GALNT1: variants seen among roughly 807,000 people sequenced by gnomAD.
GALNT1 encodes GalNAc transferase 1.
GALNT1 carries 17 observed loss-of-function variants against 65.7 expected under a neutral mutation model. That is an observed-to-expected ratio of 0.26 (90% CI 0.18 to 0.39). GALNT1 has a LOEUF of 0.39. GALNT1 is among the 10% of genes least tolerant of loss of function. GALNT1 has a pLI of 1.00. For missense variants in GALNT1, 460 were observed against 672.8 expected (o/e 0.68, Z 3.50); for synonymous variants, 210 against 219.7 (o/e 0.96, Z 0.39).
intron 1 of GALNT1, among the ~76,000 whole-genome samples, chr18:35,650,938 A>G (rs1172107832): frequency 6.6e-6 from 1 of 152,228 alleles, no homozygotes; most frequent in Non-Finnish European, 1.5e-5. Flanking sequence ...TCACAAGAAT[A>G]TTGATTGGGG....
At chr18:35,580,944 C>T (rs1323997657), upstream of GALNT1, among the ~76,000 whole-genome samples, 1 of 152,174 alleles carries the variant, frequency 6.6e-6, no homozygotes, top group East Asian at 1.9e-4. Context: ...GCAAGGGCCC[C>T]GGCGTTGCTG....
rs140544333 is a variant in GALNT1, at chr18:35,665,270, T to C, written c.314+1468T>C. The stretch of plus-strand genomic sequence containing the variant: ...ATATATTACAACCATAAAATGAGAA[T>C]AGGATATTATTCAAAAGATACACTG... On this transcript the variant is annotated intron_variant, in intron 3 of 11. Transcript: ENST00000269195. Among the ~76,000 whole-genome samples the C allele has an allele frequency of 7.9e-5, 12 of 152,122 alleles. No individual in the cohort carries two copies. The East Asian group carries it at 2.3e-3, about 29-fold the overall frequency.
Position 35,664,832 on chromosome 18 carries a change from A to C in GALNT1, c.314+1030A>C, listed in dbSNP as rs187991845. ...ACTCCTTGCTCTCATTGATGCTGGC[A>C]GCCAAGCTTGCCTCCTCCAGAGAAG... On this transcript the variant is annotated intron_variant, in intron 3 of 11. Transcript: ENST00000269195. Among the ~76,000 whole-genome samples, 880 of 152,368 alleles carry C rather than the reference A, an allele frequency of 5.8e-3. 6 individuals are homozygous for C. Among genetic ancestry groups the C allele is most frequent in the South Asian group, 0.023 (113 of 4,830 alleles).
chr18:35,629,716 A>G (rs1260556804), intron 1 of GALNT1, among the ~76,000 whole-genome samples: 3 of 152,196 alleles, frequency 2.0e-5, no homozygotes, highest in Admixed American at 1.3e-4. Context: ...ACACATAACA[A>G]TATTAACCTT....
At chr18:35,587,711 A>T (rs1254658440) in intron 1 of GALNT1, among the ~76,000 whole-genome samples, 2 of 152,162 alleles carry the variant, frequency 1.3e-5, no homozygotes, top group Admixed American at 1.3e-4. Flanking sequence ...ACAGTATAAC[A>T]CTTTTTGTAC....
chr18:35,676,225 A>C (rs2047708634), intron 3 of GALNT1, among the ~76,000 whole-genome samples: 1 of 152,128 alleles, frequency 6.6e-6, no homozygotes, highest in African/African-American at 2.4e-5. Context: ...TTTCTGGATC[A>C]GTGGGTAGAG....
intron 1 of GALNT1, among the ~76,000 whole-genome samples, chr18:35,604,995 A>G (rs1037568501): frequency 1.3e-5 from 2 of 152,220 alleles, no homozygotes; most frequent in African/African-American, 4.8e-5. Flanking sequence ...TGAATAAGCT[A>G]TAATTTACTT....
intron 1 of GALNT1, among the ~76,000 whole-genome samples, chr18:35,638,135 A>G (rs2047116274): frequency 6.6e-6 from 1 of 152,212 alleles, no homozygotes; most frequent in Non-Finnish European, 1.5e-5. Context: ...CAAATGCAAC[A>G]TTTATTCTGC....
chr18:35,611,271 T>C (rs1002540608), intron 1 of GALNT1, among the ~76,000 whole-genome samples: 13 of 152,136 alleles, frequency 8.5e-5, no homozygotes, highest in African/African-American at 2.9e-4. Flanking sequence ...TCACTTTTTT[T>C]CTCATTTTTT....
intron 1 of GALNT1, among the ~76,000 whole-genome samples, chr18:35,609,720 C>T (rs953654418): frequency 6.6e-6 from 1 of 152,112 alleles, no homozygotes; most frequent in African/African-American, 2.4e-5. Flanking sequence ...AAACAGTGAC[C>T]AGGAGACAGA....
At chr18:35,601,270 A>G (rs2143955798) in intron 1 of GALNT1, among the ~76,000 whole-genome samples, 1 of 152,028 alleles carries the variant, frequency 6.6e-6, no homozygotes, top group African/African-American at 2.4e-5. Context: ...CTGTATTTCT[A>G]TGGTATCATT....
At chr18:35,636,783 G>GTTTTTTTTTTT (rs58909585) in intron 1 of GALNT1, among the ~76,000 whole-genome samples, 4 of 64,220 alleles carry the variant, frequency 6.2e-5, no homozygotes, top group Non-Finnish European at 6.4e-5. Flanking sequence ...ATACTACTTT[G>GTTTTTTTTTTT]TTTTTTTTTT....
rs906031759 is a variant in GALNT1, at chr18:35,620,197, A to G, written c.-103-34363A>G. On this transcript the variant is annotated intron_variant, in intron 1 of 11. Transcript: ENST00000269195. ...TTCTCAGGGTTATCTCCTGGTTGCAAAGAAGGTCCTTGCAGCTCCATCCGT... is the reference window on the plus strand; with the variant it reads ...TTCTCAGGGTTATCTCCTGGTTGCAGAGAAGGTCCTTGCAGCTCCATCCGT... 3.9e-5 allele frequency among the ~76,000 whole-genome samples: 6 copies of G among 152,282 alleles called. No individual in the cohort carries two copies. In the East Asian group the frequency reaches 9.6e-4, roughly 24 times the overall value.
In GALNT1 at chr18:35,645,221, T is replaced by G. The variant is rs12963018; in HGVS notation, c.-103-9339T>G. ...GGTTTTCATAGCTATTTTGAATGTT[T>G]TTTTTTTTTTTTTTTTTTTTTTTCT... On this transcript the variant is annotated intron_variant, in intron 1 of 11. Coordinates refer to ENST00000269195, the MANE Select transcript of GALNT1 (RefSeq NM_020474.4). 4.3e-4 allele frequency among the ~76,000 whole-genome samples: 52 copies of G among 119,868 alleles called. 1 individual carries two copies. Among genetic ancestry groups the G allele is most frequent in the Non-Finnish European group, 6.5e-4 (37 of 56,652 alleles). 78.6% of individuals were successfully genotyped at this position (119,868 alleles called of 152,430 possible).
At chr18:35,623,875 G>A (rs1020654855) in intron 1 of GALNT1, among the ~76,000 whole-genome samples, 7 of 151,992 alleles carry the variant, frequency 4.6e-5, no homozygotes, top group Non-Finnish European at 1.5e-5. Flanking sequence ...TCCACGTCTG[G>A]GTCATCTTCT....
At chr18:35,597,751 T>A (rs1568012872) in intron 1 of GALNT1, among the ~76,000 whole-genome samples, 1 of 152,178 alleles carries the variant, frequency 6.6e-6, no homozygotes, top group Non-Finnish European at 1.5e-5. Flanking sequence ...AGCATATGTG[T>A]ACTTTTAAAA....
In GALNT1 at chr18:35,711,760, A is replaced by C. The variant is rs544984681; in HGVS notation, c.*1990A>C. 6.6e-6 allele frequency: 1 copy of C among 152,352 alleles called. No individual in the cohort carries two copies. Among genetic ancestry groups the C allele is most frequent in the East Asian group, 1.9e-4 (1 of 5,194 alleles). 9.4% of individuals were successfully genotyped at this position (152,352 alleles called of 1,614,324 possible). A position where few individuals can be genotyped will look rare whatever the true frequency, so the allele number is the denominator to read the frequency against. ...TTCATGGGTACTTTTAGAACCTGAT[A>C]GATAATCCCATTGCCTTTATTTTTC... On this transcript the variant is annotated 3_prime_UTR_variant, in exon 12 of 12. Coordinates refer to ENST00000269195, the MANE Select transcript of GALNT1 (RefSeq NM_020474.4).
intron 3 of GALNT1, among the ~76,000 whole-genome samples, chr18:35,671,342 G>A (rs1336581295): frequency 6.6e-6 from 1 of 152,068 alleles, no homozygotes; most frequent in Non-Finnish European, 1.5e-5. Context: ...TCAGCCTCCC[G>A]AGTAACAAGG....
rs117082026 is a variant in GALNT1 at position 35,626,367 on chromosome 18, C to T, written c.-103-28193C>T. Among the ~76,000 whole-genome samples, 9 of 152,216 alleles carry T rather than the reference C, an allele frequency of 5.9e-5. No homozygotes were observed. The East Asian group carries it at 1.2e-3, about 20-fold the overall frequency. ...TGTGATTCTGTGATAGACTAAGTAA[C>T]GCCGTGTCTAAGATGAGCAGGTCAT... On this transcript the variant is annotated intron_variant, in intron 1 of 11. Transcript: ENST00000269195.
Sources: gnomAD v4.1 joint callset for allele counts (sites outside exome capture counted in the v4.1 genomes callset) on GRCh38, gnomAD v4.1.1 for gene constraint, MANE v1.5 for transcripts, NCBI Gene and HGNC (gene_info 2026-07-23, HGNC 2026-07-21) for gene names.